Variants in NAAA observed in about 807,000 individuals in gnomAD.
The protein encoded by NAAA is N-acylethanolamine-hydrolyzing acid amidase.
In NAAA, 39 loss-of-function variants were observed where a neutral mutation model predicts 44.8. The observed-to-expected ratio is 0.87, with a 90% CI of 0.67 to 1.14. The LOEUF (loss-of-function observed/expected upper bound fraction) is 1.14. NAAA is among the 50% of genes most tolerant of loss of function. The pLI is 0.00. For synonymous variants in NAAA, 178 were observed against 191.3 expected (o/e 0.93, Z 0.58); for missense variants, 460 against 467.8 (o/e 0.98, Z 0.15).
At chr4:75,932,480 C>T (rs1381019288) in intron 3 of NAAA, among the ~76,000 whole-genome samples, 1 of 152,136 alleles carries the variant, frequency 6.6e-6, no homozygotes, top group Non-Finnish European at 1.5e-5. Context: ...TTGCAAGATA[C>T]CACTATGTAA....
intron 2 of NAAA, among the ~76,000 whole-genome samples, chr4:75,939,536 C>T (rs149978558): frequency 3.9e-5 from 6 of 151,952 alleles, no homozygotes; most frequent in Admixed American, 2.6e-4. Flanking sequence ...CTGCCTCAAC[C>T]TCCTAAGTAG....
intron 3 of NAAA, 72 bp from the exon 4 acceptor site, chr4:75,931,376 A>G: frequency 8.6e-7 from 1 of 1,161,918 alleles, no homozygotes; most frequent in South Asian, 1.4e-5. Flanking sequence ...GTTCTGCCCC[A>G]CAATTTTCTG....
At chr4:75,918,824 A>C (rs1170026734) in intron 8 of NAAA, 35 bp from the exon 9 acceptor site, 1 of 1,583,336 alleles carries the variant, frequency 6.3e-7, no homozygotes, top group African/African-American at 1.4e-5. Context: ...AGAGAAGATT[A>C]CATGGTAGAA....
chr4:75,940,448 A>G (rs1421304565), intron 1 of NAAA, among the ~76,000 whole-genome samples: 1 of 152,208 alleles, frequency 6.6e-6, no homozygotes, highest in Non-Finnish European at 1.5e-5. Context: ...GCCCGCAAGG[A>G]AGGCGCGGGT....
At position 75,941,004 on chromosome 4, in the gene NAAA, G is replaced by C; in HGVS notation, c.-55C>G. ...GACCTGCAGCCGCTGTCGGAGCCCG[G>C]GTAAGCCGTGGAGGAGGAGGAGCTG... is the stretch of plus-strand genomic sequence containing the variant. On this transcript the variant is annotated 5_prime_UTR_variant, in exon 1 of 11. Transcript: ENST00000286733. 7.1e-7 allele frequency: 1 copy of C among 1,415,356 alleles called. No homozygotes were observed. The allele number at this position is 1,415,356 out of a possible 1,614,324, so 87.7% of individuals were successfully genotyped here.
chr4:75,936,374 T>C, intron 2 of NAAA, 139 bp from the exon 3 acceptor site: 1 of 894,678 alleles, frequency 1.1e-6, no homozygotes, highest in Non-Finnish European at 1.7e-6. Context: ...ATAATGCTTG[T>C]ATAAGAATAT....
chr4:75,915,418 C>A (rs1725544177), intron 9 of NAAA, among the ~76,000 whole-genome samples: 1 of 152,124 alleles, frequency 6.6e-6, no homozygotes, highest in Admixed American at 6.6e-5. Flanking sequence ...GGAGACCAAG[C>A]CTTGGCCCTC....
At chr4:75,936,040 A>G (rs1265799157) in intron 3 of NAAA, 69 bp downstream of exon 3, 1 of 1,578,516 alleles carries the variant, frequency 6.3e-7, no homozygotes, top group East Asian at 2.2e-5. Context: ...TTAGCAGGCC[A>G]TCCAAATGAC....
chr4:75,920,492 T>A (rs1434164547), intron 7 of NAAA, among the ~76,000 whole-genome samples: 4 of 152,160 alleles, frequency 2.6e-5, no homozygotes, highest in African/African-American at 9.7e-5. Context: ...CTAGCAGAGC[T>A]GGTGGTGGGC....
In NAAA at chr4:75,920,091, A is replaced by C. The variant is rs1726009546; in HGVS notation, c.903-116T>G. 5 of 962,312 alleles carry C rather than the reference A, an allele frequency of 5.2e-6. No homozygotes were observed. The East Asian group carries it at 1.2e-4, about 23-fold the overall frequency. 59.6% of individuals were successfully genotyped at this position (962,312 alleles called of 1,614,324 possible). A position where few individuals can be genotyped will look rare whatever the true frequency, so the allele number is the denominator to read the frequency against. ...AGTCTCATTATCTCCCTTTCTCCAA[A>C]ACAGATTCTGGCCCCAAGCCTGTTT... On this transcript the variant is annotated intron_variant, in intron 7 of 10. Coordinates refer to ENST00000286733, the MANE Select transcript of NAAA (RefSeq NM_014435.4).
intron 4 of NAAA, among the ~76,000 whole-genome samples, chr4:75,926,370 C>T (rs375701290): frequency 4.6e-5 from 7 of 151,012 alleles, no homozygotes; most frequent in African/African-American, 1.5e-4. Context: ...ACACTAGCCT[C>T]GCCAACATGG....
chr4:75,932,557 A>C (rs887514683), intron 3 of NAAA, among the ~76,000 whole-genome samples: 1 of 152,134 alleles, frequency 6.6e-6, no homozygotes, highest in Admixed American at 6.5e-5. Context: ...ATCACGACTC[A>C]CTGCAGCCTC....
At chr4:75,936,266 A>G in intron 2 of NAAA, 31 bp from the exon 3 acceptor site, 1 of 1,573,714 alleles carries the variant, frequency 6.4e-7, no homozygotes, top group Non-Finnish European at 8.6e-7. Flanking sequence ...AACATGAATG[A>G]ATAAGACAAA....
chr4:75,913,979 A>G lies in NAAA; in HGVS notation c.*396T>C. On this transcript the variant is annotated 3_prime_UTR_variant, in exon 11 of 11. Transcript: ENST00000286733. ...GCTCTTTCAGAAGCACTTCACAATGAACAGAGGTCTTGCCAGCTCATTTCA... is the reference window on the plus strand; with the variant it reads ...GCTCTTTCAGAAGCACTTCACAATGGACAGAGGTCTTGCCAGCTCATTTCA... 1 of 985,446 alleles carries G rather than the reference A, an allele frequency of 1.0e-6. No individual in the cohort carries two copies. Among genetic ancestry groups the G allele is most frequent in the Non-Finnish European group, 1.2e-6 (1 of 829,944 alleles). 61.0% of individuals were successfully genotyped at this position (985,446 alleles called of 1,614,324 possible). A position where few individuals can be genotyped will look rare whatever the true frequency, so the allele number is the denominator to read the frequency against.
At chr4:75,940,250 C>T (rs1265095040) in intron 1 of NAAA, 85 bp from the exon 2 acceptor site, 2 of 1,465,432 alleles carry the variant, frequency 1.4e-6, no homozygotes, top group African/African-American at 2.8e-5. Context: ...GGGGCTACAT[C>T]CTTAGGGCGT....
chr4:75,914,148 A>G lies in NAAA; in HGVS notation c.*227T>C, dbSNP rs1158731890. The stretch of plus-strand genomic sequence containing the variant: ...TAGAGAGGATCGAGGCAAACCATGA[A>G]GGGAAGGGAATGCAGGACAATGCCC... On this transcript the variant is annotated 3_prime_UTR_variant, in exon 11 of 11. Coordinates refer to ENST00000286733, the MANE Select transcript of NAAA (RefSeq NM_014435.4). The G allele has an allele frequency of 2.0e-6, 2 of 985,656 alleles. No homozygotes were observed. Among genetic ancestry groups the G allele is most frequent in the Non-Finnish European group, 2.4e-6 (2 of 829,966 alleles). The allele number at this position is 985,656 out of a possible 1,614,324, so 61.1% of individuals were successfully genotyped here.
At chr4:75,933,843 A>G (rs1189355460) in intron 3 of NAAA, among the ~76,000 whole-genome samples, 1 of 151,848 alleles carries the variant, frequency 6.6e-6, no homozygotes, top group Non-Finnish European at 1.5e-5. Flanking sequence ...AAGACCAGCC[A>G]ACATAGTGAA....
intron 9 of NAAA, 130 bp downstream of exon 9, chr4:75,918,631 G>A (rs1725851095): frequency 2.4e-6 from 2 of 851,030 alleles, no homozygotes; most frequent in Admixed American, 4.0e-5. Context: ...ACCCACAGGA[G>A]TGCCCCCACA....
intron 4 of NAAA, among the ~76,000 whole-genome samples, chr4:75,928,620 G>T (rs1726946687): frequency 6.6e-6 from 1 of 152,180 alleles, no homozygotes; most frequent in Non-Finnish European, 1.5e-5. Context: ...GAGTGGAGAT[G>T]CTGAGAAGAT....
Sources: gnomAD v4.1 joint callset for allele counts (sites outside exome capture counted in the v4.1 genomes callset) on GRCh38, gnomAD v4.1.1 for gene constraint, MANE v1.5 for transcripts, NCBI Gene and HGNC (gene_info 2026-07-23, HGNC 2026-07-21) for gene names.